Variants in PTPRU observed in about 807,000 individuals in gnomAD.
PTPRU encodes the protein protein tyrosine phosphatase receptor type U, also known as receptor-type tyrosine-protein phosphatase U.
Under a neutral mutation model 166.3 loss-of-function variants are expected in PTPRU, and 69 were observed. The observed-to-expected ratio is 0.41, with a 90% CI of 0.34 to 0.51. PTPRU has a LOEUF of 0.51. Among genes scored for constraint, PTPRU ranks in the 20% least tolerant of loss-of-function variants. The pLI is 0.09. For synonymous variants in PTPRU, 793 were observed against 814.0 expected (o/e 0.97, Z 0.44); for missense variants, 1,657 against 2,013.7 (o/e 0.82, Z 3.39).
chr1:29,321,184 C>T (rs1370422027), intron 26 of PTPRU, among the ~76,000 whole-genome samples: 1 of 151,130 alleles, frequency 6.6e-6, no homozygotes, highest in East Asian at 1.9e-4. Context: ...GCTGCATCAC[C>T]ACAGCTGTCT....
chr1:29,258,713 C>T lies in PTPRU; in HGVS notation c.414C>T (p.Ser138=), dbSNP rs754559435. 21 of 1,610,236 alleles carry T rather than the reference C, an allele frequency of 1.3e-5. No homozygotes were observed. The highest frequency in any genetic ancestry group is 1.7e-5 in the Non-Finnish European group (20 of 1,177,804). ...GTGCTGTGTGGAATATGACTGGATC[C>T]CACGGCCGTCAGTGGCACCAGGCTG... The part of the protein sequence containing the change: ...LGSAVWNMTG[S]HGRQWHQAEL... The change falls in exon 3 of 30, where the codon TCC becomes TCT. Residue 138 remains serine (S), a synonymous_variant. Coordinates refer to ENST00000373779, the MANE Select transcript of PTPRU (RefSeq NM_133178.4).
intron 15 of PTPRU, among the ~76,000 whole-genome samples, chr1:29,302,938 A>G (rs2151962741): frequency 6.6e-6 from 1 of 152,334 alleles, no homozygotes. Flanking sequence ...TGCCTACAGT[A>G]TTCAGTACAG....
rs1685003763 is a variant in PTPRU at position 29,260,427 on chromosome 1, C to G, written c.851-183C>G. On this transcript the variant is annotated intron_variant, in intron 6 of 29. Transcript: ENST00000373779. The surrounding 1 kb of genome is among the most constrained non-coding windows in gnomAD (Gnocchi z 8.3). ...CGAGGGCGGGGTCAGCCTTTGGAGC[C>G]AGGTGCCCCTTAGGGCCCGGGATTT... Among the ~76,000 whole-genome samples, 2 of 151,944 alleles carry G rather than the reference C, an allele frequency of 1.3e-5. No homozygotes were observed. Among genetic ancestry groups the G allele is most frequent in the Non-Finnish European group, 2.9e-5 (2 of 67,980 alleles).
chr1:29,298,650 G>A (rs1220388620), intron 15 of PTPRU, among the ~76,000 whole-genome samples: 2 of 152,228 alleles, frequency 1.3e-5, no homozygotes, highest in East Asian at 1.9e-4. Context: ...GGTGCCAGTC[G>A]GTGTTGGCCA....
At chr1:29,322,856 G>T (rs1440172014) in intron 26 of PTPRU, among the ~76,000 whole-genome samples, 1 of 152,076 alleles carries the variant, frequency 6.6e-6, no homozygotes, top group Non-Finnish European at 1.5e-5. Context: ...CTGGAGTCTG[G>T]GAGGGGGTTG....
In PTPRU at chr1:29,237,363, T is replaced by G. The variant is rs1390120904; in HGVS notation, c.73+646T>G. ...TGTGTGCTGCCGGGGGCCGCGTGGG[T>G]CCGAGTGAATGCCAAGTGTGCCGGG... is the stretch of plus-strand genomic sequence containing the variant. On this transcript the variant is annotated intron_variant, in intron 1 of 29. Transcript: ENST00000373779. The surrounding 1 kb of genome is among the most constrained non-coding windows in gnomAD (Gnocchi z 6.4). Among the ~76,000 whole-genome samples the G allele has an allele frequency of 6.6e-6, 1 of 151,764 alleles. No homozygotes were observed. The highest frequency in any genetic ancestry group is 1.9e-4 in the East Asian group (1 of 5,154).
intron 15 of PTPRU, among the ~76,000 whole-genome samples, chr1:29,297,527 G>A (rs959682272): frequency 6.6e-6 from 1 of 152,202 alleles, no homozygotes; most frequent in African/African-American, 2.4e-5. Flanking sequence ...CTCGAGGGAT[G>A]GGTAGGATTC....
chr1:29,322,634 A>T (rs1688208945), intron 26 of PTPRU, among the ~76,000 whole-genome samples: 1 of 152,094 alleles, frequency 6.6e-6, no homozygotes, highest in Non-Finnish European at 1.5e-5. Context: ...GGGATTGATG[A>T]GCACGGTGTC....
intron 7 of PTPRU, among the ~76,000 whole-genome samples, chr1:29,263,856 T>A (rs1685174506): frequency 6.6e-6 from 1 of 152,174 alleles, no homozygotes. Context: ...TGTCTTTTTA[T>A]TATTGAGTTG....
intron 2 of PTPRU, among the ~76,000 whole-genome samples, chr1:29,255,940 G>A (rs2151943723): frequency 6.6e-6 from 1 of 152,274 alleles, no homozygotes; most frequent in Middle Eastern, 3.4e-3. Flanking sequence ...CTGAGCTCTG[G>A]ACTGGGAGTC....
In PTPRU at chr1:29,259,981, C is replaced by G; in HGVS notation, c.787C>G (p.Arg263Gly). ...GAGCCGCGCCGAGCAGGACCTGTAC[C>G]GCTGTGTGTCCCAGGCCCCGCGCGG... Reference protein sequence around the residue: ...AVSRAEQDLYRCVSQAPRGAG... With the variant: ...AVSRAEQDLYGCVSQAPRGAG... The change falls in exon 6 of 30, where the codon CGC (arginine) becomes GGC (glycine). Residue 263 changes from arginine to glycine, a missense_variant. Arg to Gly is a moderately radical substitution (Grantham distance 125, BLOSUM62 -2). Coordinates refer to ENST00000373779, the MANE Select transcript of PTPRU (RefSeq NM_133178.4). The G allele has an allele frequency of 2.6e-6, 4 of 1,556,578 alleles. No homozygotes were observed. Among genetic ancestry groups the G allele is most frequent in the Non-Finnish European group, 3.5e-6 (4 of 1,159,112 alleles).
intron 14 of PTPRU, among the ~76,000 whole-genome samples, chr1:29,288,631 C>T (rs1054838324): frequency 7.2e-5 from 11 of 152,250 alleles, no homozygotes; most frequent in East Asian, 1.9e-4. Context: ...GTCCGTCTTC[C>T]GCTCTCCTCC....
At chr1:29,292,773 C>G (rs887463366) in intron 15 of PTPRU, among the ~76,000 whole-genome samples, 5 of 151,756 alleles carry the variant, frequency 3.3e-5, no homozygotes, top group Non-Finnish European at 5.9e-5. Context: ...GCTATATCCC[C>G]TACCTCTTTC....
chr1:29,325,465 C>T (rs1688368487), intron 29 of PTPRU, 134 bp from the exon 30 acceptor site: 5 of 1,504,524 alleles, frequency 3.3e-6, no homozygotes, highest in Non-Finnish European at 4.6e-6. Flanking sequence ...AACATTACCC[C>T]CATTTCTCCC....
chr1:29,246,839 C>A (rs1215906729), intron 1 of PTPRU, among the ~76,000 whole-genome samples: 2 of 152,144 alleles, frequency 1.3e-5, no homozygotes, highest in Non-Finnish European at 2.9e-5. Flanking sequence ...TGGTCTCAAA[C>A]CTCTGACCTC....
chr1:29,264,897 G>A (rs565742802), intron 7 of PTPRU, among the ~76,000 whole-genome samples: 1 of 152,260 alleles, frequency 6.6e-6, no homozygotes, highest in Admixed American at 6.5e-5. Context: ...ATTCAGCATA[G>A]TTTCCTTCAT....
In PTPRU at chr1:29,291,906, C is replaced by A; in HGVS notation, c.2356C>A (p.Arg786Ser). 1.2e-6 allele frequency: 2 copies of A among 1,614,102 alleles called. No individual in the cohort carries two copies. Among genetic ancestry groups the A allele is most frequent in the South Asian group, 1.1e-5 (1 of 91,060 alleles). ...VNMTKATVNYRQEKTHMMSAV... is the reference protein window; with the variant it reads ...VNMTKATVNYSQEKTHMMSAV... ...CATGACCAAGGCCACCGTCAACTAC[C>A]GCCAGGAGAAGACACACATGATGAG... is the stretch of plus-strand genomic sequence containing the variant. Residue 786 changes from arginine (R) to serine (S), a missense_variant, in exon 15 of 30, where the codon CGC (arginine) becomes AGC (serine). Arg to Ser is a moderately radical substitution (Grantham distance 110, BLOSUM62 -1). This residue lies in a region of PTPRU where 1,190 missense variants were observed against 1,477.4 expected (regional missense o/e 0.81). Transcript: ENST00000373779. The surrounding 1 kb of genome is among the most constrained non-coding windows in gnomAD (Gnocchi z 4.1).
chr1:29,286,579 C>G (rs1686359199), intron 14 of PTPRU, among the ~76,000 whole-genome samples: 1 of 152,104 alleles, frequency 6.6e-6, no homozygotes. Flanking sequence ...TTTCCCCCAG[C>G]AGGGGGCCTG....
At chr1:29,241,111 G>T (rs147147570) in intron 1 of PTPRU, among the ~76,000 whole-genome samples, 3 of 152,310 alleles carry the variant, frequency 2.0e-5, no homozygotes, top group Non-Finnish European at 4.4e-5. Context: ...TTATCGTGTG[G>T]TGTGGCAGGA....
Sources: allele counts gnomAD v4.1 joint callset (sites outside exome capture counted in the v4.1 genomes callset), GRCh38; gene constraint gnomAD v4.1.1; regional missense constraint gnomAD v4.1.1; non-coding constraint Gnocchi (gnomAD v3.1); transcripts MANE v1.5; gene names NCBI Gene and HGNC (gene_info 2026-07-23, HGNC 2026-07-21).